ADCY8: variants seen among roughly 807,000 people sequenced by gnomAD.
The protein encoded by ADCY8 is adenylate cyclase 8.
ADCY8 carries 51 observed loss-of-function variants against 119.7 expected under a neutral mutation model. That is an observed-to-expected ratio of 0.43 (90% CI 0.34 to 0.54). ADCY8 has a LOEUF of 0.54. Among genes scored for constraint, ADCY8 ranks in the 20% least tolerant of loss-of-function variants. The pLI is 0.03. For synonymous variants in ADCY8, 665 were observed against 651.0 expected, an observed-to-expected ratio of 1.02 and a Z score of -0.33; for missense variants, 1,383 against 1,598.8, an observed-to-expected ratio of 0.87 and a Z score of 2.30.
intron 3 of ADCY8, among the ~76,000 whole-genome samples, chr8:130,949,993 G>A (rs570878048): frequency 3.4e-4 from 52 of 152,282 alleles, no homozygotes; most frequent in African/African-American, 9.9e-4. Context: ...TGCTATGCCC[G>A]CTGAAGGGTT....
intron 17 of ADCY8, among the ~76,000 whole-genome samples, chr8:130,782,285 T>G (rs1203108315): frequency 1.3e-5 from 2 of 152,140 alleles, no homozygotes; most frequent in Non-Finnish European, 2.9e-5. Context: ...CTCTTTAAAA[T>G]TTGCAGAGAA....
At chr8:130,805,865 G>A (rs1815933296) in intron 14 of ADCY8, among the ~76,000 whole-genome samples, 1 of 152,138 alleles carries the variant, frequency 6.6e-6, no homozygotes, top group African/African-American at 2.4e-5. Context: ...AGGAGAAGGT[G>A]GGTTCACCTT....
At chr8:130,792,859 C>T (rs1489196792) in intron 15 of ADCY8, among the ~76,000 whole-genome samples, 1 of 152,162 alleles carries the variant, frequency 6.6e-6, no homozygotes, top group Admixed American at 6.5e-5. Context: ...AGAGTAAAAG[C>T]CAAAGCCTTT....
intron 12 of ADCY8, among the ~76,000 whole-genome samples, chr8:130,826,496 G>T (rs957816109): frequency 1.3e-5 from 2 of 152,020 alleles, no homozygotes; most frequent in Non-Finnish European, 2.9e-5. Context: ...CCCTCCAAAT[G>T]CTTTTAGATA....
chr8:130,944,973 C>G (rs1586593776), intron 3 of ADCY8, among the ~76,000 whole-genome samples: 2 of 152,216 alleles, frequency 1.3e-5, no homozygotes, highest in African/African-American at 4.8e-5. Flanking sequence ...GGGGGGTGAC[C>G]AGCCACAGAG....
Position 131,039,812 on chromosome 8 carries a change from G to A in ADCY8, c.522C>T (p.Phe174=), listed in dbSNP as rs1439998118. ...RDLERLYQRY[F]LGQRRKSEVV... is the part of the protein sequence containing the mutation. ...CTTCCGATTTGCGCCTTTGGCCCAA[G>A]AAATAGCGCTGGTAGAGGCGTTCCA... Residue 174 remains phenylalanine (F), a synonymous_variant, in exon 1 of 18, where the codon TTC becomes TTT. Coordinates refer to ENST00000286355, the MANE Select transcript of ADCY8 (RefSeq NM_001115.3). 1 of 1,614,206 alleles carries A rather than the reference G, an allele frequency of 6.2e-7. No individual in the cohort carries two copies. The highest frequency in any genetic ancestry group is 2.2e-5 in the East Asian group (1 of 44,876).
chr8:131,022,024 TTAG>T (rs1240963976), intron 1 of ADCY8, among the ~76,000 whole-genome samples: 3 of 152,198 alleles, frequency 2.0e-5, no homozygotes, highest in East Asian at 3.8e-4. Context: ...TTTATTTTTG[TTAG>T]TAGGGATCTG....
chr8:130,809,138 C>T (rs1816079548), intron 14 of ADCY8, among the ~76,000 whole-genome samples: 1 of 152,164 alleles, frequency 6.6e-6, no homozygotes, highest in Non-Finnish European at 1.5e-5. Flanking sequence ...CTGTCCACCG[C>T]CTGTGTTTGG....
At chr8:130,818,930 A>G (rs1415688881) in intron 13 of ADCY8, among the ~76,000 whole-genome samples, 2 of 152,218 alleles carry the variant, frequency 1.3e-5, no homozygotes, top group African/African-American at 4.8e-5. Flanking sequence ...TTGTCTTAGG[A>G]CCAGATGGCT....
At chr8:131,014,302 G>T (rs1823401117) in intron 1 of ADCY8, among the ~76,000 whole-genome samples, 1 of 152,138 alleles carries the variant, frequency 6.6e-6, no homozygotes, top group Non-Finnish European at 1.5e-5. Context: ...TATGTACATG[G>T]TGATTATGAG....
At chr8:130,840,166 A>G (rs1817097299) in intron 11 of ADCY8, among the ~76,000 whole-genome samples, 1 of 139,100 alleles carries the variant, frequency 7.2e-6, no homozygotes, top group African/African-American at 2.5e-5. Flanking sequence ...TTTTAGGCCT[A>G]TCAAGCTTTA....
intron 7 of ADCY8, chr8:130,892,215 A>C (rs1819212600): frequency 6.6e-6 from 1 of 152,060 alleles, no homozygotes; most frequent in Non-Finnish European, 1.5e-5. Flanking sequence ...GGATTTCAGC[A>C]CCCCTCTGTT....
rs148776390 is a variant in ADCY8, at chr8:130,958,271, C to T, written c.1111-6273G>A. On this transcript the variant is annotated intron_variant, in intron 2 of 17. Transcript: ENST00000286355. ...GGTAGTAAAAAGAGAGAGTTTCAGACATTAAAACAGCCCAGTTTGTAAATA... is the reference window on the plus strand; with the variant it reads ...GGTAGTAAAAAGAGAGAGTTTCAGATATTAAAACAGCCCAGTTTGTAAATA... 2.1e-4 allele frequency among the ~76,000 whole-genome samples: 32 copies of T among 152,326 alleles called. No homozygotes were observed. In the East Asian group the frequency reaches 5.0e-3, roughly 24 times the overall value.
At chr8:130,936,851 A>C (rs1820802242) in intron 5 of ADCY8, among the ~76,000 whole-genome samples, 1 of 152,178 alleles carries the variant, frequency 6.6e-6, no homozygotes, top group African/African-American at 2.4e-5. Flanking sequence ...TGTAATACAA[A>C]CTTGTAGCAC....
intron 5 of ADCY8, among the ~76,000 whole-genome samples, chr8:130,916,864 A>G (rs6985687): frequency 0.022 from 3,276 of 152,322 alleles, 73 homozygotes; most frequent in South Asian, 0.08. Context: ...CGGGGCTCTC[A>G]GCTCTGAAGG....
chr8:131,028,877 C>T (rs950525084), intron 1 of ADCY8, among the ~76,000 whole-genome samples: 5 of 152,188 alleles, frequency 3.3e-5, no homozygotes, highest in African/African-American at 4.8e-5. Context: ...GTACCTCCTG[C>T]CCCCAGCTGT....
rs373781988 is a variant in ADCY8, at chr8:131,008,829, G to A, written c.961-18287C>T. ...ATATGGACAATGAAGTCCAGGATGA[G>A]GTGGTCTCAGATGTAGATGAGAAAC... On this transcript the variant is annotated intron_variant, in intron 1 of 17. Transcript: ENST00000286355. Among the ~76,000 whole-genome samples, 3 of 152,284 alleles carry A rather than the reference G, an allele frequency of 2.0e-5. No homozygotes were observed. The South Asian group carries it at 6.2e-4, about 32-fold the overall frequency.
chr8:130,825,753 C>T (rs1419486998), intron 12 of ADCY8, among the ~76,000 whole-genome samples: 1 of 152,222 alleles, frequency 6.6e-6, no homozygotes, highest in Non-Finnish European at 1.5e-5. Flanking sequence ...CTAACCTCTT[C>T]GCTGTGTCCT....
At chr8:130,986,990 C>G (rs1285952448) in intron 2 of ADCY8, among the ~76,000 whole-genome samples, 1 of 152,128 alleles carries the variant, frequency 6.6e-6, no homozygotes, top group Non-Finnish European at 1.5e-5. Flanking sequence ...TTTCTTCCCT[C>G]TCTTCTAATA....
Sources: allele counts gnomAD v4.1 joint callset (sites outside exome capture counted in the v4.1 genomes callset), GRCh38; gene constraint gnomAD v4.1.1; transcripts MANE v1.5; gene names NCBI Gene and HGNC (gene_info 2026-07-23, HGNC 2026-07-21).